Variants in HELZ2 observed in about 807,000 individuals in gnomAD.
HELZ2 encodes the protein 3'-5' exoribonuclease HELZ2.
HELZ2 carries 143 observed loss-of-function variants against 208.8 expected under a neutral mutation model. The ratio of observed to expected loss-of-function variants is 0.68; its 90% confidence interval spans 0.60 to 0.79. The LOEUF is 0.79. HELZ2 is among the 30% of genes least tolerant of loss of function. The probability of loss-of-function intolerance (pLI) is 0.00; values close to 1 mark genes in which losing one functional copy is unlikely to be tolerated. For missense variants in HELZ2, 3,690 were observed against 3,794.5 expected (o/e 0.97, Z 0.72); for synonymous variants, 1,705 against 1,693.7 (o/e 1.01, Z -0.16).
rs375963834 is a variant in HELZ2, at chr20:63,564,653, C to T, written c.4169G>A (p.Arg1390Gln). 9.6e-6 allele frequency: 15 copies of T among 1,569,066 alleles called. No homozygotes were observed. The highest frequency in any genetic ancestry group is 7.4e-5 in the Admixed American group (4 of 53,770). ...GGCATAGAACGCAGCGCCCTGCCTT[C>T]GCGCCTCCACGTCCAGCACCCCGTC... The change falls in exon 8 of 19, where the codon CGA becomes CAA. Residue 1390 changes from arginine (R) to glutamine (Q), a missense_variant. By Grantham distance (43) the Arg-to-Gln change is conservative (BLOSUM62 1). Transcript: ENST00000467148.
intron 15 of HELZ2, 39 bp from the exon 17 acceptor site, chr20:63,560,736 CG>C (rs1222008949): frequency 6.2e-7 from 1 of 1,603,964 alleles, no homozygotes; most frequent in Non-Finnish European, 8.5e-7. Context: ...GGCTGCCACG[CG>C]GGGTTGTGGC....
chr20:63,563,206 C>T (rs768713264), exon 8 of HELZ2: 2 of 1,583,400 alleles, frequency 1.3e-6, no homozygotes, highest in East Asian at 2.3e-5. Flanking sequence ...CCCGGGCCAC[C>T]TCCAGGAAAT....
At chr20:63,572,385 T>C (rs2083024325) in exon 1 of HELZ2, 2 of 1,522,546 alleles carry the variant, frequency 1.3e-6, no homozygotes, top group South Asian at 1.3e-5. Flanking sequence ...CACACAGCCA[T>C]CTCCACGGCG....
chr20:63,559,194 G>T, downstream of HELZ2: 3 of 1,424,104 alleles, frequency 2.1e-6, no homozygotes, highest in Non-Finnish European at 1.9e-6. Context: ...AGGGTGGGGG[G>T]GCCCTGGACT....
exon 17 of HELZ2, chr20:63,560,218 C>T (rs768489664): frequency 1.3e-5 from 20 of 1,557,162 alleles, no homozygotes; most frequent in Middle Eastern, 1.8e-4. Flanking sequence ...GATGCCCTCT[C>T]GCCGAAGGGC....
chr20:63,572,304 G>C lies in HELZ2; in HGVS notation c.82C>G (p.Arg28Gly). 6.3e-7 allele frequency: 1 copy of C among 1,586,178 alleles called. No homozygotes were observed. The highest frequency in any genetic ancestry group is 1.3e-5 in the African/African-American group (1 of 74,694). The change falls in exon 1 of 19, where the codon CGC becomes GGC. Residue 28 changes from arginine (R) to glycine (G), a missense_variant. Arg to Gly is a moderately radical substitution (Grantham distance 125). Around this residue, in one of 3 missense-constraint regions of HELZ2, gnomAD observed 1,119 missense variants for 1,193.4 expected, o/e 0.94. Transcript: ENST00000467148. Reference sequence around the variant, plus strand: ...GGGGGCTGGCCAAGGGGGGCCGTGCGCCCGTCGCCATCAGGGGCAGGGGGT... The same window carrying C: ...GGGGGCTGGCCAAGGGGGGCCGTGCCCCCGTCGCCATCAGGGGCAGGGGGT...
chr20:63,567,062 G>A, exon 6 of HELZ2: 1 of 1,612,128 alleles, frequency 6.2e-7, no homozygotes. Flanking sequence ...CCCCTGGCGT[G>A]GATGGGGTTG....
chr20:63,562,179 C>A (rs1298212006), exon 10 of HELZ2: 6 of 1,612,030 alleles, frequency 3.7e-6, no homozygotes, highest in Non-Finnish European at 4.2e-6. Flanking sequence ...GTAGGTCTGC[C>A]GCTCCAGGAA....
chr20:63,565,393 T>C, exon 8 of HELZ2: 1 of 1,609,892 alleles, frequency 6.2e-7, no homozygotes, highest in South Asian at 1.1e-5. Flanking sequence ...GCGGGATGGC[T>C]GACGCCCGCT....
exon 8 of HELZ2, chr20:63,564,621 T>A (rs1248084641): frequency 6.4e-7 from 1 of 1,568,492 alleles, no homozygotes; most frequent in Middle Eastern, 1.7e-4. Context: ...ACTGGCTCCC[T>A]GCCGGGGGCA....
rs781305526 is a variant in HELZ2, at chr20:63,563,455, C to T, written c.5367G>A (p.Pro1789=). The change falls in exon 8 of 19, where the codon CCG becomes CCA. Residue 1789 remains proline (P), a synonymous_variant. Transcript: ENST00000467148. ...GGCGCCGCCACAGGAGCCGCAGGCC[C>T]GGCCGGCCTGCCAGGGCGTGGGGGT... The T allele has an allele frequency of 2.7e-5, 41 of 1,524,860 alleles. No homozygotes were observed. In the South Asian group the frequency reaches 3.1e-4, roughly 12 times the overall value. The allele number at this position is 1,524,860 out of a possible 1,614,324, so 94.5% of individuals were successfully genotyped here. A position where few individuals can be genotyped will look rare whatever the true frequency, so the allele number is the denominator to read the frequency against.
chr20:63,572,182 C>T, exon 1 of HELZ2: 2 of 1,610,038 alleles, frequency 1.2e-6, no homozygotes, highest in Non-Finnish European at 1.7e-6. Context: ...GGTCGAAGGC[C>T]ACCATCTGTG....
chr20:63,565,400 C>T (rs748346431), exon 8 of HELZ2: 21 of 1,610,248 alleles, frequency 1.3e-5, no homozygotes, highest in Middle Eastern at 1.6e-4. Flanking sequence ...GGCTGACGCC[C>T]GCTCGAAGGT....
At chr20:63,570,084 G>A (rs1480869753) in intron 3 of HELZ2, 3 of 391,910 alleles carry the variant, frequency 7.7e-6, no homozygotes, top group African/African-American at 6.3e-5. Context: ...GAGTAGATGG[G>A]ATCACAGGCA....
intron 18 of HELZ2, 80 bp downstream of exon 19, chr20:63,559,848 A>T: frequency 6.7e-7 from 1 of 1,497,144 alleles, no homozygotes; most frequent in Non-Finnish European, 9.1e-7. Flanking sequence ...AGTCAGGGTC[A>T]GGCAGGAGTC....
chr20:63,564,495 G>A, exon 8 of HELZ2: 1 of 1,588,032 alleles, frequency 6.3e-7, no homozygotes, highest in South Asian at 1.1e-5. Context: ...GCAAAGCGCA[G>A]GCTCTTCAGC....
intron 3 of HELZ2, chr20:63,570,115 ATTTT>A (rs56804055): frequency 6.4e-4 from 185 of 288,092 alleles, no homozygotes; most frequent in Middle Eastern, 2.6e-3. Flanking sequence ...TGCCTGGCTA[ATTTT>A]TTTTTTTTTT....
rs200446454 is a variant in HELZ2 at position 63,570,791 on chromosome 20, G to A, written c.356C>T (p.Thr119Met). ...CTGCCCCCGCAGCTCCACAGCCTGCGTGCGCCGGACCCACTCCTGCAGCTC... is the reference window on the plus strand; with the variant it reads ...CTGCCCCCGCAGCTCCACAGCCTGCATGCGCCGGACCCACTCCTGCAGCTC... The change falls in exon 2 of 19, where the codon ACG becomes ATG. Residue 119 changes from threonine to methionine, a missense_variant. Physicochemically the swap from Thr to Met is moderately conservative, Grantham distance 81. Around this residue, in one of 3 missense-constraint regions of HELZ2, gnomAD observed 1,119 missense variants for 1,193.4 expected, o/e 0.94. Transcript: ENST00000467148. 1.9e-3 allele frequency: 2,997 copies of A among 1,611,082 alleles called. 66 individuals are homozygous for A. The South Asian group carries it at 0.03, about 16-fold the overall frequency.
chr20:63,563,405 C>G, exon 8 of HELZ2: 1 of 1,535,350 alleles, frequency 6.5e-7, no homozygotes, highest in East Asian at 2.4e-5. Context: ...CAGGGGCGGG[C>G]TGGATCCCTG....
Sources: allele counts gnomAD v4.1 joint callset, GRCh38; gene constraint gnomAD v4.1.1; regional missense constraint gnomAD v4.1.1; transcripts MANE v1.5; gene names NCBI Gene and HGNC (gene_info 2026-07-23, HGNC 2026-07-21).